The following VWA3B variants were observed in gnomAD, a reference collection of about 807,000 sequenced individuals.
VWA3B encodes von Willebrand factor A domain containing 3B.
Under a neutral mutation model 158.3 loss-of-function variants are expected in VWA3B, and 138 were observed. That is an observed-to-expected ratio of 0.87 (90% CI 0.76 to 1.00). The LOEUF (loss-of-function observed/expected upper bound fraction) is 1.00, where lower values mean the gene tolerates loss of function less well. Among genes scored for constraint, VWA3B ranks in the 50% least tolerant of loss-of-function variants. The pLI is 0.00. For synonymous variants in VWA3B, 596 were observed against 587.3 expected (o/e 1.01, Z -0.21); for missense variants, 1,555 against 1,565.1 (o/e 0.99, Z 0.11).
At chr2:98,328,071 T>C in the VWA3B span, among the ~76,000 whole-genome samples, 8 of 152,176 alleles carry the variant, frequency 5.3e-5, no homozygotes, top group Non-Finnish European at 1.0e-4. Flanking sequence ...CACAAGCCTC[T>C]GGGAGGTCTC....
chr2:98,179,636 T>C (rs996321967), intron 8 of VWA3B, among the ~76,000 whole-genome samples: 1 of 152,144 alleles, frequency 6.6e-6, no homozygotes, highest in Non-Finnish European at 1.5e-5. Flanking sequence ...CCTACCTTCC[T>C]TCCTTTCTTC....
At chr2:98,254,598 T>C (rs537530692) in intron 20 of VWA3B, among the ~76,000 whole-genome samples, 5 of 152,298 alleles carry the variant, frequency 3.3e-5, no homozygotes, top group Admixed American at 1.3e-4. Context: ...TCCCGACTCT[T>C]TTTCTATCAC....
intron 22 of VWA3B, among the ~76,000 whole-genome samples, chr2:98,274,135 C>G (rs996722851): frequency 2.0e-5 from 3 of 152,294 alleles, no homozygotes; most frequent in Admixed American, 2.0e-4. Flanking sequence ...TCCCTGGGAT[C>G]TCCCAGGGGG....
In VWA3B at chr2:98,297,988, T is replaced by G; in HGVS notation, c.3239T>G (p.Phe1080Cys). The G allele has an allele frequency of 1.3e-6, 2 of 1,587,900 alleles. No homozygotes were observed. The highest frequency in any genetic ancestry group is 1.7e-6 in the Non-Finnish European group (2 of 1,167,152). ...YGDTKVVSTS[F>C]ITPVGGAMPC... ...GACACCAAGGTCGTGTCCACCTCCT[T>G]CATCACGCCTGTGGGGGGCGCCATG... Residue 1080 changes from phenylalanine to cysteine, a missense_variant, in exon 24 of 28, where the codon TTC (phenylalanine) becomes TGC (cysteine). By Grantham distance (205) the Phe-to-Cys change is radical (BLOSUM62 -2). Transcript: ENST00000477737.
At chr2:98,206,500 C>A in intron 12 of VWA3B, 1 of 467,894 alleles carries the variant, frequency 2.1e-6, no homozygotes, top group African/African-American at 2.0e-5. Context: ...GTACAGAAGG[C>A]TTGTTTAGAG....
intron 7 of VWA3B, among the ~76,000 whole-genome samples, chr2:98,134,607 G>T (rs1573864779): frequency 6.6e-6 from 1 of 152,008 alleles, no homozygotes; most frequent in Non-Finnish European, 1.5e-5. Flanking sequence ...GAGAAAAGGA[G>T]GGAAGGAAGC....
At chr2:98,221,219 G>C (rs912605571) in intron 14 of VWA3B, among the ~76,000 whole-genome samples, 1 of 151,788 alleles carries the variant, frequency 6.6e-6, no homozygotes, top group Admixed American at 6.6e-5. Flanking sequence ...ATTTCTATTC[G>C]TATATCCCAG....
intron 8 of VWA3B, among the ~76,000 whole-genome samples, chr2:98,175,979 C>T (rs1198637160): frequency 6.6e-6 from 1 of 152,224 alleles, no homozygotes; most frequent in Non-Finnish European, 1.5e-5. Flanking sequence ...TTAGCAACTG[C>T]AGCAAAGGGC....
chr2:98,239,899 C>T (rs1262276703), intron 19 of VWA3B, among the ~76,000 whole-genome samples: 1 of 148,016 alleles, frequency 6.8e-6, no homozygotes, highest in Non-Finnish European at 1.5e-5. Flanking sequence ...GGCAACAGAG[C>T]GAGACTTCAT....
intron 12 of VWA3B, chr2:98,206,901 G>C: frequency 4.6e-6 from 2 of 431,524 alleles, no homozygotes; most frequent in Non-Finnish European, 9.1e-6. Context: ...AAATGACTGA[G>C]TCTGGTGTTG....
At chr2:98,275,987 G>A (rs1262743202) in intron 22 of VWA3B, among the ~76,000 whole-genome samples, 2 of 152,214 alleles carry the variant, frequency 1.3e-5, no homozygotes, top group African/African-American at 4.8e-5. Context: ...TTTGTGCAGT[G>A]GCATCACTGG....
At chr2:98,276,143 G>C (rs1688508268) in intron 22 of VWA3B, among the ~76,000 whole-genome samples, 1 of 152,170 alleles carries the variant, frequency 6.6e-6, no homozygotes, top group Admixed American at 6.5e-5. Context: ...GGTCACATCT[G>C]GTGACTTCTC....
At position 98,312,505 on chromosome 2, in the gene VWA3B, A is replaced by G. The variant is rs1690973029; in HGVS notation, c.*156A>G. 1.2e-6 allele frequency: 1 copy of G among 855,930 alleles called. No individual in the cohort carries two copies. The highest frequency in any genetic ancestry group is 1.7e-5 in the African/African-American group (1 of 58,562). 53.0% of individuals were successfully genotyped at this position (855,930 alleles called of 1,614,324 possible). Reference sequence around the variant, plus strand: ...TGTAGCAAAGACTCCTCTCCCCTCCATCCCTGCTGCCTCCCCTACCCGTTT... The same window carrying G: ...TGTAGCAAAGACTCCTCTCCCCTCCGTCCCTGCTGCCTCCCCTACCCGTTT... On this transcript the variant is annotated 3_prime_UTR_variant, in exon 28 of 28. Coordinates refer to ENST00000477737, the MANE Select transcript of VWA3B (RefSeq NM_144992.5).
At chr2:98,265,042 T>G (rs534912585) in intron 21 of VWA3B, among the ~76,000 whole-genome samples, 3 of 152,024 alleles carry the variant, frequency 2.0e-5, no homozygotes, top group Non-Finnish European at 4.4e-5. Flanking sequence ...ATTTTTTTAT[T>G]TTTTATTTTT....
chr2:98,282,533 G>A (rs1688945030), intron 22 of VWA3B, among the ~76,000 whole-genome samples: 2 of 150,688 alleles, frequency 1.3e-5, no homozygotes, highest in Non-Finnish European at 2.9e-5. Context: ...CGCCTTCCAG[G>A]TTTAAGTAAT....
intron 19 of VWA3B, among the ~76,000 whole-genome samples, chr2:98,239,173 G>A (rs546947436): frequency 3.9e-5 from 6 of 152,212 alleles, no homozygotes; most frequent in African/African-American, 1.2e-4. Context: ...TATATTACTA[G>A]GAATCTATGT....
chr2:98,188,949 A>G (rs1045117753), intron 10 of VWA3B, among the ~76,000 whole-genome samples: 5 of 152,184 alleles, frequency 3.3e-5, no homozygotes, highest in Admixed American at 6.5e-5. Context: ...CATACCTCAC[A>G]TTCTTTTCTA....
chr2:98,173,787 G>T (rs987339866), intron 8 of VWA3B, among the ~76,000 whole-genome samples: 1 of 152,128 alleles, frequency 6.6e-6, no homozygotes, highest in Non-Finnish European at 1.5e-5. Flanking sequence ...CCAACACTGT[G>T]AAATCCCATC....
At chr2:98,170,610 T>C (rs1371500878) in intron 8 of VWA3B, among the ~76,000 whole-genome samples, 1 of 69,332 alleles carries the variant, frequency 1.4e-5, no homozygotes, top group African/African-American at 3.2e-5. Flanking sequence ...GTTAGGAAGA[T>C]TTTTTTTTTT....
Sources: allele counts gnomAD v4.1 joint callset (sites outside exome capture counted in the v4.1 genomes callset), GRCh38; gene constraint gnomAD v4.1.1; transcripts MANE v1.5; gene names NCBI Gene and HGNC (gene_info 2026-07-23, HGNC 2026-07-21).